CAMK1D: variants seen among roughly 807,000 people sequenced by gnomAD.
The protein encoded by CAMK1D is calcium/calmodulin dependent protein kinase ID, also known as calcium/calmodulin-dependent protein kinase type 1D.
Under a neutral mutation model 47.7 loss-of-function variants are expected in CAMK1D, and 9 were observed. That is an observed-to-expected ratio of 0.19 (90% CI 0.11 to 0.33). CAMK1D has a LOEUF of 0.33. Ranked by LOEUF, CAMK1D falls within the 10% of genes least tolerant of loss-of-function variation. The pLI is 1.00. For synonymous variants in CAMK1D, 184 were observed against 184.9 expected, an observed-to-expected ratio of 0.99 and a Z score of 0.04; for missense variants, 291 against 488.7, an observed-to-expected ratio of 0.60 and a Z score of 3.81.
intron 1 of CAMK1D, among the ~76,000 whole-genome samples, chr10:12,387,480 T>C (rs1838565272): frequency 8.1e-6 from 1 of 122,848 alleles, no homozygotes; most frequent in South Asian, 2.7e-4. Context: ...TTGTAAACTC[T>C]TAATGAAAGT....
chr10:12,373,537 C>T (rs1339556324), intron 1 of CAMK1D, among the ~76,000 whole-genome samples: 1 of 150,982 alleles, frequency 6.6e-6, no homozygotes, highest in Non-Finnish European at 1.5e-5. Flanking sequence ...GAGGCTGAGG[C>T]AGGAGAATCG....
At chr10:12,486,402 C>T (rs1043016577) in intron 1 of CAMK1D, among the ~76,000 whole-genome samples, 1 of 152,174 alleles carries the variant, frequency 6.6e-6, no homozygotes, top group Admixed American at 6.5e-5. Context: ...TCGTGATCTG[C>T]CTGCCTCGGT....
At chr10:12,547,646 C>CG (rs1323084833) in intron 1 of CAMK1D, among the ~76,000 whole-genome samples, 1 of 103,932 alleles carries the variant, frequency 9.6e-6, no homozygotes, top group Non-Finnish European at 1.9e-5. Flanking sequence ...GACACCCCCC[C>CG]CCCAACCCTG....
At chr10:12,702,632 T>C (rs1423736869) in intron 3 of CAMK1D, among the ~76,000 whole-genome samples, 1 of 152,144 alleles carries the variant, frequency 6.6e-6, no homozygotes, top group African/African-American at 2.4e-5. Flanking sequence ...CGATACGAGG[T>C]AGGTTCAGTT....
Position 12,675,091 on chromosome 10 carries a change from C to CCTCAACT in CAMK1D, c.299+8283_299+8289dup, listed in dbSNP as rs1049990642. ...TATTCGGAGATAAGAAAGGACACTG[C>CCTCAACT]CTCAACTCCTCCCCCTTTACAAGTG... On this transcript the variant is annotated intron_variant, in intron 3 of 10. Transcript: ENST00000619168. 6.6e-5 allele frequency among the ~76,000 whole-genome samples: 10 copies of CCTCAACT among 151,264 alleles called. No individual in the cohort carries two copies. The South Asian group carries it at 1.0e-3, about 16-fold the overall frequency.
chr10:12,416,956 G>C (rs923109340), intron 1 of CAMK1D, among the ~76,000 whole-genome samples: 4 of 152,150 alleles, frequency 2.6e-5, no homozygotes, highest in African/African-American at 9.7e-5. Flanking sequence ...GACCCATGGA[G>C]GTGGTTGTTA....
chr10:12,577,654 C>A (rs757434832), intron 2 of CAMK1D, among the ~76,000 whole-genome samples: 5 of 152,148 alleles, frequency 3.3e-5, no homozygotes, highest in Non-Finnish European at 7.3e-5. Flanking sequence ...GCCACCAGTT[C>A]TCGATTGGTT....
At chr10:12,504,203 A>C (rs556313284) in intron 1 of CAMK1D, among the ~76,000 whole-genome samples, 1 of 146,434 alleles carries the variant, frequency 6.8e-6, no homozygotes, top group East Asian at 2.1e-4. Context: ...AAATGTCACA[A>C]ATATGTTCCA....
At chr10:12,411,869 C>T (rs367844352) in intron 1 of CAMK1D, among the ~76,000 whole-genome samples, 2 of 152,038 alleles carry the variant, frequency 1.3e-5, no homozygotes, top group African/African-American at 2.4e-5. Flanking sequence ...GCTGGGATTA[C>T]AGGCATGAGC....
intron 1 of CAMK1D, among the ~76,000 whole-genome samples, chr10:12,427,976 G>T (rs890434899): frequency 1.3e-5 from 2 of 151,638 alleles, no homozygotes; most frequent in African/African-American, 2.4e-5. Context: ...AAAGTGCTGG[G>T]ATTACAGGTA....
chr10:12,391,586 A>G (rs1187520882), intron 1 of CAMK1D, among the ~76,000 whole-genome samples: 3 of 152,212 alleles, frequency 2.0e-5, no homozygotes, highest in African/African-American at 7.2e-5. Flanking sequence ...GGCATGAATA[A>G]AATATTCCCT....
rs56004337 is a variant in CAMK1D, at chr10:12,722,318, T to C, written c.300-38630T>C. On this transcript the variant is annotated intron_variant, in intron 3 of 10. Transcript: ENST00000619168. The stretch of plus-strand genomic sequence containing the variant: ...ACAATTAGCCGGGCTTGGTGGTGGG[T>C]GCCTGTAGTCCCAGCTACTAGGGAG... Among the ~76,000 whole-genome samples, 1,353 of 151,254 alleles carry C rather than the reference T, an allele frequency of 8.9e-3. 26 individuals carry two copies. Among genetic ancestry groups the C allele is most frequent in the African/African-American group, 0.03 (1,218 of 41,236 alleles).
chr10:12,826,622 G>C (rs1833218997), intron 10 of CAMK1D, among the ~76,000 whole-genome samples: 1 of 151,932 alleles, frequency 6.6e-6, no homozygotes, highest in Non-Finnish European at 1.5e-5. Flanking sequence ...CCTAACCATG[G>C]AGCAGCCCTG....
At chr10:12,359,390 G>A (rs1837597661) in intron 1 of CAMK1D, among the ~76,000 whole-genome samples, 1 of 151,956 alleles carries the variant, frequency 6.6e-6, no homozygotes, top group Non-Finnish European at 1.5e-5. Context: ...CTCCCAACAG[G>A]GGTGATTAGT....
intron 2 of CAMK1D, among the ~76,000 whole-genome samples, chr10:12,651,004 G>A (rs897436202): frequency 6.6e-6 from 1 of 152,154 alleles, no homozygotes; most frequent in South Asian, 2.1e-4. Context: ...CACACATCCC[G>A]ACGGGGCTTC....
At chr10:12,501,728 G>A (rs1834709886) in intron 1 of CAMK1D, among the ~76,000 whole-genome samples, 2 of 152,104 alleles carry the variant, frequency 1.3e-5, no homozygotes, top group South Asian at 4.1e-4. Context: ...AGTGTCTGTG[G>A]GCGGAGATCG....
At chr10:12,484,411 G>T (rs1051500102) in intron 1 of CAMK1D, among the ~76,000 whole-genome samples, 4 of 152,204 alleles carry the variant, frequency 2.6e-5, no homozygotes, top group African/African-American at 9.6e-5. Flanking sequence ...CATGATTAAG[G>T]ACTTTAAACA....
chr10:12,815,226 C>G (rs1832748674), intron 7 of CAMK1D, among the ~76,000 whole-genome samples: 1 of 152,142 alleles, frequency 6.6e-6, no homozygotes, highest in African/African-American at 2.4e-5. Context: ...AGATCAAAAC[C>G]AAGGCCTGTG....
At position 12,646,210 on chromosome 10, in the gene CAMK1D, G is replaced by C. The variant is rs45440598; in HGVS notation, c.225-20526G>C. On this transcript the variant is annotated intron_variant, in intron 2 of 10. Transcript: ENST00000619168. ...TTCCCTAGAAAGTTATGTTAGGATAGTAATTTCCTAAAATGTTAGCCAGCA... is the reference window on the plus strand; with the variant it reads ...TTCCCTAGAAAGTTATGTTAGGATACTAATTTCCTAAAATGTTAGCCAGCA... 2.8e-3 allele frequency among the ~76,000 whole-genome samples: 423 copies of C among 152,120 alleles called. 2 individuals are homozygous for C. Among genetic ancestry groups the C allele is most frequent in the Non-Finnish European group, 4.9e-3 (335 of 67,976 alleles).
Sources: allele counts gnomAD v4.1 joint callset (sites outside exome capture counted in the v4.1 genomes callset), GRCh38; gene constraint gnomAD v4.1.1; transcripts MANE v1.5; gene names NCBI Gene and HGNC (gene_info 2026-07-23, HGNC 2026-07-21).